The following DCAF1 variants were observed in gnomAD, a reference collection of about 807,000 sequenced individuals.
DCAF1 encodes the protein DDB1 and CUL4 associated factor 1.
DCAF1 carries 15 observed loss-of-function variants against 128.0 expected under a neutral mutation model. The ratio of observed to expected loss-of-function variants is 0.12; its 90% CI spans 0.08 to 0.18. DCAF1 has a LOEUF of 0.18. Among genes scored for constraint, DCAF1 ranks in the 10% least tolerant of loss-of-function variants. The probability of loss-of-function intolerance (pLI) is 1.00; values close to 1 mark genes in which losing one functional copy is unlikely to be tolerated. For synonymous variants in DCAF1, 610 were observed against 603.0 expected, an observed-to-expected ratio of 1.01 and a Z score of -0.17; for missense variants, 988 against 1,649.5, an observed-to-expected ratio of 0.60 and a Z score of 6.95.
upstream of DCAF1, among the ~76,000 whole-genome samples, chr3:51,501,612 A>G (rs565102138): frequency 6.6e-6 from 1 of 152,218 alleles, no homozygotes; most frequent in Non-Finnish European, 1.5e-5. Flanking sequence ...CCTTGGTTTC[A>G]TTCCCCACTA....
At position 51,422,304 on chromosome 3, in the gene DCAF1, T is replaced by C. The variant is rs782290906; in HGVS notation, c.1972+3A>G. 5.2e-6 allele frequency: 4 copies of C among 763,600 alleles called. No individual in the cohort carries two copies. The highest frequency in any genetic ancestry group is 7.3e-6 in the Non-Finnish European group (3 of 409,802). 47.3% of individuals were successfully genotyped at this position (763,600 alleles called of 1,614,324 possible). ...ACAACAAAAATGGCAAAGTACAACC[T>C]ACCTACAGTAGAGACTGTAGATCCA... On this transcript the variant is annotated splice_donor_region_variant and intron_variant, in intron 14 of 24. Transcript: ENST00000684031.
intron 23 of DCAF1, among the ~76,000 whole-genome samples, chr3:51,406,320 A>G (rs2090103927): frequency 1.4e-5 from 2 of 143,842 alleles, no homozygotes. Context: ...TCCAACCTGG[A>G]CAACAGAGCA....
At chr3:51,469,521 C>T (rs1296024996) in intron 4 of DCAF1, among the ~76,000 whole-genome samples, 4 of 151,860 alleles carry the variant, frequency 2.6e-5, no homozygotes, top group Non-Finnish European at 4.4e-5. Flanking sequence ...TGAGCCACAG[C>T]GCCAGGCCAA....
chr3:51,456,647 A>C (rs1702944815), intron 6 of DCAF1, among the ~76,000 whole-genome samples: 1 of 152,188 alleles, frequency 6.6e-6, no homozygotes, highest in South Asian at 2.1e-4. Flanking sequence ...AAGTAGCCTA[A>C]CTGGGAGGCA....
At chr3:51,407,984 CAAAAAAAA>C (rs59224025) in intron 23 of DCAF1, among the ~76,000 whole-genome samples, 10 of 52,546 alleles carry the variant, frequency 1.9e-4, no homozygotes, top group Non-Finnish European at 2.5e-4. Flanking sequence ...GACTCCATCT[CAAAAAAAA>C]AAAAAAAAAA....
chr3:51,440,958 T>A lies in DCAF1; in HGVS notation c.1128+12A>T. ...AAAATCCCCGGTGACCCAATATTTTTAAGAACTTTACCTTTAGTGCCTCAA... is the reference window on the plus strand; with the variant it reads ...AAAATCCCCGGTGACCCAATATTTTAAAGAACTTTACCTTTAGTGCCTCAA... On this transcript the variant is annotated intron_variant, in intron 9 of 24. Transcript: ENST00000684031. 6.3e-7 allele frequency: 1 copy of A among 1,598,438 alleles called. No individual in the cohort carries two copies.
At chr3:51,500,219 T>C (rs1477056930), upstream of DCAF1, among the ~76,000 whole-genome samples, 3 of 150,318 alleles carry the variant, frequency 2.0e-5, no homozygotes, top group Admixed American at 6.7e-5. Context: ...CCAGTCCCAA[T>C]TGACGCATGA....
intron 1 of DCAF1, among the ~76,000 whole-genome samples, chr3:51,497,993 T>C (rs1421019213): frequency 1.6e-5 from 2 of 125,974 alleles, no homozygotes; most frequent in Non-Finnish European, 3.1e-5. Context: ...GAGCTTGCAG[T>C]GAGCTGAGAT....
At chr3:51,428,341 T>A in intron 12 of DCAF1, among the ~76,000 whole-genome samples, 1 of 148,482 alleles carries the variant, frequency 6.7e-6, no homozygotes, top group African/African-American at 2.5e-5. Context: ...CTTTTTTTTT[T>A]TTTTTTTTTT....
intron 23 of DCAF1, among the ~76,000 whole-genome samples, chr3:51,408,007 A>AAAAAAAAAC (rs1329585381): frequency 6.7e-6 from 1 of 150,238 alleles, no homozygotes; most frequent in Non-Finnish European, 1.5e-5. Flanking sequence ...AAAAAAAAAA[A>AAAAAAAAAC]AACAACCAGA....
At position 51,430,061 on chromosome 3, in the gene DCAF1, T is replaced by G. The variant is rs370240832; in HGVS notation, c.1439A>C (p.Tyr480Ser). ...GTTCACCAGACGACGAAGACCATCA[T>G]AGCGGTCAAAGAGCTCCAAGACGGC... ...FRAVLELFDR[Y>S]DGLRRLVNLI... Residue 480 changes from tyrosine to serine, a missense_variant, in exon 11 of 25, where the codon TAT becomes TCT. Tyr to Ser is a moderately radical substitution (Grantham distance 144). Transcript: ENST00000684031. The G allele has an allele frequency of 1.3e-6, 1 of 780,630 alleles. No individual in the cohort carries two copies. Among genetic ancestry groups the G allele is most frequent in the Non-Finnish European group, 2.4e-6 (1 of 417,930 alleles). The allele number at this position is 780,630 out of a possible 1,614,324, so 48.4% of individuals were successfully genotyped here. A position where few individuals can be genotyped will look rare whatever the true frequency, so the allele number is the denominator to read the frequency against.
chr3:51,440,209 G>C (rs782057107), intron 9 of DCAF1: 4 of 494,950 alleles, frequency 8.1e-6, no homozygotes, highest in Non-Finnish European at 1.6e-5. Context: ...ATCTAAACAA[G>C]AATGTTTTGA....
In DCAF1 at chr3:51,416,817, C is replaced by A; in HGVS notation, c.3573G>T (p.Arg1191=). 1.2e-6 allele frequency: 2 copies of A among 1,611,954 alleles called. No individual in the cohort carries two copies. The highest frequency in any genetic ancestry group is 8.5e-7 in the Non-Finnish European group (1 of 1,179,022). The change falls in exon 18 of 25, where the codon CGG becomes CGT. Residue 1191 remains arginine (R), a synonymous_variant. Coordinates refer to ENST00000684031, the MANE Select transcript of DCAF1 (RefSeq NM_001387579.1). The stretch of plus-strand genomic sequence containing the variant: ...CAATGTCTCCTTTTGTGCCGATGAC[C>A]CGATCCTGGGAGTGCTTACTGAACT... ...YVEFSKHSQD[R]VIGTKGDIAH...
chr3:51,429,890 G>A (rs1159141401), intron 11 of DCAF1, 143 bp downstream of exon 11: 307 of 481,056 alleles, frequency 6.4e-4, no homozygotes, highest in Admixed American at 1.8e-3. Flanking sequence ...TGAAGAAAGG[G>A]AAAAAAAAAA....
At chr3:51,396,307 A>C (rs1392547402), downstream of DCAF1, 1 of 181,224 alleles carries the variant, frequency 5.5e-6, no homozygotes. Flanking sequence ...TGGCCCCAAA[A>C]AGAACTGCCA....
chr3:51,430,444 A>C (rs1408005035), intron 10 of DCAF1, among the ~76,000 whole-genome samples: 1 of 152,232 alleles, frequency 6.6e-6, no homozygotes, highest in Non-Finnish European at 1.5e-5. Context: ...ACCTATACTT[A>C]CTGAGTGCCA....
At chr3:51,485,730 CATTATTGCATTGT>C (rs1706856750) in intron 2 of DCAF1, among the ~76,000 whole-genome samples, 1 of 152,110 alleles carries the variant, frequency 6.6e-6, no homozygotes, top group Non-Finnish European at 1.5e-5. Context: ...TATTGCATTG[CATTATTGCATTGT>C]ATTATAAAAT....
the DCAF1 span, among the ~76,000 whole-genome samples, chr3:51,505,528 G>A: frequency 1.3e-5 from 2 of 152,166 alleles, no homozygotes; most frequent in South Asian, 4.1e-4. Flanking sequence ...CTCTTACCGT[G>A]GGGAAGTTCT....
intron 4 of DCAF1, among the ~76,000 whole-genome samples, chr3:51,470,392 C>T (rs1704602489): frequency 6.6e-6 from 1 of 152,086 alleles, no homozygotes; most frequent in South Asian, 2.1e-4. Context: ...AAGACCCCAT[C>T]TCTACAAAAA....
Sources: gnomAD v4.1 joint callset for allele counts (sites outside exome capture counted in the v4.1 genomes callset) on GRCh38, gnomAD v4.1.1 for gene constraint, MANE v1.5 for transcripts, NCBI Gene and HGNC (gene_info 2026-07-23, HGNC 2026-07-21) for gene names.